Variants in KSR2 observed in about 807,000 individuals in gnomAD.
KSR2 encodes kinase suppressor of ras 2.
A neutral mutation model predicts 107.8 loss-of-function variants in KSR2; 25 were observed. The observed-to-expected ratio is 0.23, with a 90% CI of 0.17 to 0.32. The LOEUF (loss-of-function observed/expected upper bound fraction) is 0.32, where lower values mean the gene tolerates loss of function less well. KSR2 is among the 10% of genes least tolerant of loss of function. KSR2 has a pLI of 1.00. For missense variants in KSR2, 887 were observed against 1,268.9 expected (o/e 0.70, Z 4.57); for synonymous variants, 480 against 507.0 (o/e 0.95, Z 0.71).
In KSR2 at chr12:117,485,681, C is replaced by T; in HGVS notation, c.2230G>A (p.Gly744Arg). ...CTCACAACGGAATAGAGCGTCCGTCCCTTACAGAGGCTGAAAAGCAAAAGG... is the reference window on the plus strand; with the variant it reads ...CTCACAACGGAATAGAGCGTCCGTCTCTTACAGAGGCTGAAAAGCAAAAGG... ...HLAIITSLCK[G>R]RTLYSVVRDA... Residue 744 changes from glycine (G) to arginine (R), a missense_variant, in exon 15 of 20, where the codon GGA (glycine) becomes AGA (arginine). By Grantham distance (125) the Gly-to-Arg change is moderately radical. This residue lies in a region of KSR2 where 308 missense variants were observed against 506.2 expected (regional missense o/e 0.61). Coordinates refer to ENST00000339824, the MANE Select transcript of KSR2 (RefSeq NM_173598.6). 1.2e-6 allele frequency: 2 copies of T among 1,612,550 alleles called. No homozygotes were observed. The highest frequency in any genetic ancestry group is 8.5e-7 in the Non-Finnish European group (1 of 1,178,776).
intron 1 of KSR2, among the ~76,000 whole-genome samples, chr12:117,966,997 T>G (rs1896817703): frequency 6.6e-6 from 1 of 152,140 alleles, no homozygotes; most frequent in Non-Finnish European, 1.5e-5. Flanking sequence ...CTAATGGAAG[T>G]TCCCAAATTT....
chr12:117,475,183 T>G (rs765984336), intron 17 of KSR2, among the ~76,000 whole-genome samples: 1 of 152,134 alleles, frequency 6.6e-6, no homozygotes, highest in Non-Finnish European at 1.5e-5. Flanking sequence ...AAACTCAAAT[T>G]AGGATTATGT....
At chr12:117,639,491 G>A (rs980066768) in intron 5 of KSR2, among the ~76,000 whole-genome samples, 3 of 150,766 alleles carry the variant, frequency 2.0e-5, no homozygotes, top group Admixed American at 1.3e-4. Flanking sequence ...CACCATGCCC[G>A]GCTAATTTTT....
chr12:117,575,245 G>T (rs1033816831), intron 7 of KSR2, among the ~76,000 whole-genome samples: 2 of 152,182 alleles, frequency 1.3e-5, no homozygotes, highest in Non-Finnish European at 2.9e-5. Context: ...GTTGTGCATG[G>T]TGTATATATA....
At chr12:117,967,963 GC>G in intron 1 of KSR2, 112 bp downstream of exon 1, 2 of 973,686 alleles carry the variant, frequency 2.1e-6, no homozygotes, top group East Asian at 2.5e-5. Context: ...ACCACCCCCA[GC>G]CCCCAATAAA....
chr12:117,519,821 C>A (rs1353821981), intron 14 of KSR2, among the ~76,000 whole-genome samples: 1 of 150,170 alleles, frequency 6.7e-6, no homozygotes, highest in East Asian at 1.9e-4. Flanking sequence ...CATGGTTGTG[C>A]TGGTGCCACA....
chr12:117,944,217 A>C (rs1381114833), intron 1 of KSR2, among the ~76,000 whole-genome samples: 3 of 152,016 alleles, frequency 2.0e-5, no homozygotes, highest in Non-Finnish European at 4.4e-5. Flanking sequence ...TCTCTACTAA[A>C]AATACAAAAT....
At chr12:117,574,530 C>A (rs1297130035) in intron 7 of KSR2, among the ~76,000 whole-genome samples, 2 of 152,034 alleles carry the variant, frequency 1.3e-5, no homozygotes, top group Admixed American at 1.3e-4. Flanking sequence ...AGGGGTTTCC[C>A]CTCATAAAAC....
chr12:117,804,114 C>G (rs192933115), intron 3 of KSR2, among the ~76,000 whole-genome samples: 198 of 152,316 alleles, frequency 1.3e-3, no homozygotes, highest in African/African-American at 4.6e-3. Flanking sequence ...GCAATCTCGG[C>G]TCACTGCAAC....
intron 1 of KSR2, among the ~76,000 whole-genome samples, chr12:117,953,605 T>C (rs1896427857): frequency 6.6e-6 from 1 of 152,182 alleles, no homozygotes; most frequent in South Asian, 2.1e-4. Flanking sequence ...CCTAGAGTAT[T>C]AAGTTCATAG....
At chr12:117,764,510 T>A (rs1468704695) in intron 3 of KSR2, among the ~76,000 whole-genome samples, 2 of 152,112 alleles carry the variant, frequency 1.3e-5, no homozygotes, top group Non-Finnish European at 2.9e-5. Flanking sequence ...CATGAGGCTG[T>A]CTGTGAAAGA....
intron 3 of KSR2, among the ~76,000 whole-genome samples, chr12:117,833,849 T>A (rs1179070105): frequency 6.6e-6 from 1 of 151,946 alleles, no homozygotes; most frequent in Non-Finnish European, 1.5e-5. Flanking sequence ...AATCACAGTA[T>A]CTTGTCTTAG....
At chr12:117,895,678 C>A (rs116225453) in intron 1 of KSR2, among the ~76,000 whole-genome samples, 4 of 152,062 alleles carry the variant, frequency 2.6e-5, no homozygotes, top group African/African-American at 9.7e-5. Context: ...TTAGCAGTTC[C>A]CCAAATGTTA....
intron 14 of KSR2, among the ~76,000 whole-genome samples, chr12:117,503,971 C>G (rs1873529745): frequency 6.6e-6 from 1 of 152,168 alleles, no homozygotes. Context: ...TTTCCAAATG[C>G]CCACAAACAC....
rs1177733842 is a variant in KSR2, at chr12:117,458,941, G to A, written c.*8258C>T. On this transcript the variant is annotated 3_prime_UTR_variant, in exon 20 of 20. Transcript: ENST00000339824. ...GCAGAAATTTTACAAACCTCCTCAAGAAAGAAAAGCCCTTGCAGCTCTCCT... is the reference window on the plus strand; with the variant it reads ...GCAGAAATTTTACAAACCTCCTCAAAAAAGAAAAGCCCTTGCAGCTCTCCT... The A allele has an allele frequency of 6.6e-6, 1 of 152,262 alleles. No individual in the cohort carries two copies. The highest frequency in any genetic ancestry group is 1.5e-5 in the Non-Finnish European group (1 of 68,094). 9.4% of individuals were successfully genotyped at this position (152,262 alleles called of 1,614,324 possible). A position where few individuals can be genotyped will look rare whatever the true frequency, so the allele number is the denominator to read the frequency against.
intron 12 of KSR2, among the ~76,000 whole-genome samples, chr12:117,528,715 C>A (rs568676500): frequency 6.6e-6 from 1 of 152,346 alleles, no homozygotes; most frequent in East Asian, 1.9e-4. Flanking sequence ...CTGGGGGAGA[C>A]TTGGCTGGGA....
At chr12:117,840,727 G>C (rs1892435196) in intron 3 of KSR2, among the ~76,000 whole-genome samples, 1 of 151,996 alleles carries the variant, frequency 6.6e-6, no homozygotes, top group Admixed American at 6.6e-5. Flanking sequence ...ACTAAGCCAG[G>C]CATGGTGGCT....
At chr12:117,764,773 G>T (rs1156638167) in intron 3 of KSR2, among the ~76,000 whole-genome samples, 3 of 152,086 alleles carry the variant, frequency 2.0e-5, no homozygotes, top group African/African-American at 7.2e-5. Context: ...TGTGACCTTG[G>T]GCACTCATCT....
intron 5 of KSR2, among the ~76,000 whole-genome samples, chr12:117,611,440 G>GCACACACACACACACACACACA (rs1881587815): frequency 2.0e-4 from 3 of 14,642 alleles, no homozygotes; most frequent in Non-Finnish European, 2.9e-4. Context: ...GCACATGCAC[G>GCACACACACACACACACACACA]CACAGACACA....
Sources: gnomAD v4.1 joint callset for allele counts (sites outside exome capture counted in the v4.1 genomes callset) on GRCh38, gnomAD v4.1.1 for gene constraint, gnomAD v4.1.1 regional missense constraint, MANE v1.5 for transcripts, NCBI Gene and HGNC (gene_info 2026-07-23, HGNC 2026-07-21) for gene names.